The following CHN1 variants were observed in gnomAD, a reference collection of about 807,000 sequenced individuals.
CHN1 encodes the protein chimerin 1.
In CHN1, 37 loss-of-function variants were observed where a neutral mutation model predicts 59.5. The ratio of observed to expected loss-of-function variants is 0.62; its 90% CI spans 0.48 to 0.82. The LOEUF is 0.82. CHN1 is among the 40% of genes least tolerant of loss of function. CHN1 has a pLI of 0.00. For missense variants in CHN1, 469 were observed against 571.0 expected, an observed-to-expected ratio of 0.82 and a Z score of 1.82; for synonymous variants, 206 against 200.4, an observed-to-expected ratio of 1.03 and a Z score of -0.24.
At chr2:174,840,955 G>T (rs901677809) in intron 7 of CHN1, among the ~76,000 whole-genome samples, 3 of 152,056 alleles carry the variant, frequency 2.0e-5, no homozygotes, top group African/African-American at 7.2e-5. Flanking sequence ...TTGTGTCAGC[G>T]AGGCAGTATA....
intron 6 of CHN1, among the ~76,000 whole-genome samples, chr2:174,856,380 T>G (rs1686900527): frequency 6.6e-6 from 1 of 152,078 alleles, no homozygotes; most frequent in Non-Finnish European, 1.5e-5. Context: ...TGCATCCATC[T>G]CCGTATATAA....
chr2:174,874,185 G>C (rs1278491446), intron 6 of CHN1, among the ~76,000 whole-genome samples: 1 of 152,106 alleles, frequency 6.6e-6, no homozygotes, highest in East Asian at 1.9e-4. Flanking sequence ...TCAGCCATTG[G>C]TCCAGTATCT....
intron 5 of CHN1, among the ~76,000 whole-genome samples, chr2:174,914,787 G>A (rs1012393866): frequency 1.3e-5 from 2 of 149,762 alleles, no homozygotes; most frequent in East Asian, 3.9e-4. Context: ...GGGGGTTGCA[G>A]TGAGCCGAGA....
intron 8 of CHN1, among the ~76,000 whole-genome samples, chr2:174,820,930 G>A (rs1685469914): frequency 6.6e-6 from 1 of 152,076 alleles, no homozygotes; most frequent in Non-Finnish European, 1.5e-5. Context: ...GCTCTCTTTT[G>A]CCTCGGTGGA....
At chr2:174,846,535 TA>T in intron 7 of CHN1, 1 of 1,322,228 alleles carries the variant, frequency 7.6e-7, no homozygotes. Context: ...AATCCTCTCA[TA>T]AAATCTCCAA....
chr2:174,912,391 C>T (rs1688730797), intron 5 of CHN1, among the ~76,000 whole-genome samples: 1 of 152,116 alleles, frequency 6.6e-6, no homozygotes, highest in African/African-American at 2.4e-5. Context: ...ATGGAATTGA[C>T]TGAATAATAA....
chr2:174,963,436 G>T (rs1423048801), intron 1 of CHN1, among the ~76,000 whole-genome samples: 1 of 152,120 alleles, frequency 6.6e-6, no homozygotes, highest in African/African-American at 2.4e-5. Context: ...AAGGATAGAT[G>T]GTTTTTAAAA....
At chr2:174,864,589 G>A (rs1342143346) in intron 6 of CHN1, among the ~76,000 whole-genome samples, 1 of 151,900 alleles carries the variant, frequency 6.6e-6, no homozygotes, top group Non-Finnish European at 1.5e-5. Context: ...CACATGTTCT[G>A]GCTGGGCACA....
At chr2:174,846,236 C>CA (rs1250213630) in intron 7 of CHN1, 28 of 1,493,518 alleles carry the variant, frequency 1.9e-5, no homozygotes, top group African/African-American at 2.8e-5. Context: ...AATCAACACA[C>CA]ATATCACCTT....
At chr2:174,974,597 T>C (rs1690860156) in intron 1 of CHN1, among the ~76,000 whole-genome samples, 1 of 152,152 alleles carries the variant, frequency 6.6e-6, no homozygotes, top group Non-Finnish European at 1.5e-5. Context: ...ATCAAATTGT[T>C]TTCTCATAAA....
intron 6 of CHN1, among the ~76,000 whole-genome samples, chr2:174,872,984 T>C (rs1687457583): frequency 6.6e-6 from 1 of 151,958 alleles, no homozygotes; most frequent in Admixed American, 6.6e-5. Flanking sequence ...TTAAGGAGGT[T>C]AAGGACTTGT....
intron 1 of CHN1, among the ~76,000 whole-genome samples, chr2:174,998,254 G>A (rs1373283511): frequency 2.3e-5 from 3 of 133,244 alleles, no homozygotes; most frequent in Non-Finnish European, 4.6e-5. Flanking sequence ...AGTGATCTGA[G>A]ATTGCGCCAC....
Position 174,930,683 on chromosome 2 carries a change from C to A in CHN1, c.115-12118G>T, listed in dbSNP as rs140475442. Among the ~76,000 whole-genome samples, 17 of 152,224 alleles carry A rather than the reference C, an allele frequency of 1.1e-4. 1 individual carries two copies. Among genetic ancestry groups the A allele is most frequent in the African/African-American group, 4.1e-4 (17 of 41,538 alleles). Reference sequence around the variant, plus strand: ...AGAAACTGTGTCAAGGGTGACTAAGCCCTGTTTCTGGTATGAAAAAGTCCA... The same window carrying A: ...AGAAACTGTGTCAAGGGTGACTAAGACCTGTTTCTGGTATGAAAAAGTCCA... On this transcript the variant is annotated intron_variant, in intron 3 of 12. Transcript: ENST00000409900.
intron 1 of CHN1, among the ~76,000 whole-genome samples, chr2:175,003,694 T>C (rs1231249242): frequency 6.6e-6 from 1 of 152,206 alleles, no homozygotes; most frequent in Non-Finnish European, 1.5e-5. Context: ...TGGAGGATCA[T>C]CACCAAGTAA....
At chr2:175,004,113 TAA>T (rs1691982006) in intron 1 of CHN1, among the ~76,000 whole-genome samples, 1 of 152,238 alleles carries the variant, frequency 6.6e-6, no homozygotes, top group African/African-American at 2.4e-5. Context: ...TGAGTTTTCT[TAA>T]AGTCAGGTAC....
chr2:174,891,453 C>T (rs1233706437), intron 5 of CHN1, among the ~76,000 whole-genome samples: 2 of 151,064 alleles, frequency 1.3e-5, no homozygotes, highest in Admixed American at 1.3e-4. Flanking sequence ...ACTTGTAATC[C>T]CAGCTACTCA....
At chr2:174,812,259 G>A in intron 9 of CHN1, 50 bp downstream of exon 9, 1 of 1,529,324 alleles carries the variant, frequency 6.5e-7, no homozygotes, top group Non-Finnish European at 8.9e-7. Flanking sequence ...ATCAGGATTG[G>A]TACTGGTAGT....
chr2:174,994,819 A>G (rs1039428206), intron 1 of CHN1, among the ~76,000 whole-genome samples: 3 of 152,216 alleles, frequency 2.0e-5, no homozygotes, highest in Non-Finnish European at 4.4e-5. Flanking sequence ...GTGAGAGATG[A>G]AGTCAGACAG....
intron 3 of CHN1, among the ~76,000 whole-genome samples, chr2:174,928,604 G>A (rs1308558667): frequency 1.3e-5 from 2 of 151,822 alleles, no homozygotes; most frequent in Non-Finnish European, 3.0e-5. Flanking sequence ...ACAATGGTAT[G>A]CATGGGAGAG....
Sources: gnomAD v4.1 joint callset for allele counts (sites outside exome capture counted in the v4.1 genomes callset) on GRCh38, gnomAD v4.1.1 for gene constraint, MANE v1.5 for transcripts, NCBI Gene and HGNC (gene_info 2026-07-23, HGNC 2026-07-21) for gene names.